CEP97: variants seen among roughly 807,000 people sequenced by gnomAD.
The protein encoded by CEP97 is centrosomal protein of 97 kDa.
Under a neutral mutation model 73.1 loss-of-function variants are expected in CEP97, and 43 were observed. The observed-to-expected ratio is 0.59, with a 90% CI of 0.46 to 0.76. The LOEUF (loss-of-function observed/expected upper bound fraction) is 0.76. Ranked by LOEUF, CEP97 falls within the 30% of genes least tolerant of loss-of-function variation. CEP97 has a pLI of 0.00. For missense variants in CEP97, 939 were observed against 1,014.0 expected (o/e 0.93, Z 1.00); for synonymous variants, 337 against 370.0 (o/e 0.91, Z 1.02).
intron 6 of CEP97, among the ~76,000 whole-genome samples, chr3:101,742,225 C>A (rs1191162825): frequency 6.6e-6 from 1 of 151,980 alleles, no homozygotes; most frequent in Non-Finnish European, 1.5e-5. Context: ...CTCAGCAATC[C>A]CATTACCGAG....
chr3:101,748,940 C>T (rs942155730), intron 6 of CEP97, among the ~76,000 whole-genome samples: 3 of 152,008 alleles, frequency 2.0e-5, no homozygotes, highest in Admixed American at 6.6e-5. Context: ...GCGCCCGGCC[C>T]ATGGAAGGAA....
intron 6 of CEP97, among the ~76,000 whole-genome samples, chr3:101,734,645 C>A (rs1481644824): frequency 1.3e-5 from 2 of 152,168 alleles, no homozygotes; most frequent in Non-Finnish European, 2.9e-5. Flanking sequence ...TCTAGTTTGC[C>A]TACAGGAAAG....
Position 101,755,552 on chromosome 3 carries a change from C to T in CEP97, c.851C>T (p.Thr284Ile). ...CPLTSTLGLQ[T>I]AEDAKLEKIL... ...CTCACTTCTACACTAGGTCTTCAAACTGCAGAGGATGCCAAACTAGAGAAG... is the reference window on the plus strand; with the variant it reads ...CTCACTTCTACACTAGGTCTTCAAATTGCAGAGGATGCCAAACTAGAGAAG... Residue 284 changes from threonine to isoleucine, a missense_variant, in exon 7 of 11, where the codon ACT (threonine) becomes ATT (isoleucine). Coordinates refer to ENST00000341893, the MANE Select transcript of CEP97 (RefSeq NM_024548.4). 6.2e-7 allele frequency: 1 copy of T among 1,614,192 alleles called. No individual in the cohort carries two copies. The highest frequency in any genetic ancestry group is 2.2e-5 in the East Asian group (1 of 44,886).
intron 6 of CEP97, among the ~76,000 whole-genome samples, chr3:101,745,969 T>C (rs1483447191): frequency 6.6e-6 from 1 of 152,078 alleles, no homozygotes; most frequent in African/African-American, 2.4e-5. Context: ...TGTGTTCTCA[T>C]TGTTCAATTC....
intron 3 of CEP97, 61 bp downstream of exon 3, chr3:101,727,602 G>T: frequency 6.8e-7 from 1 of 1,470,360 alleles, no homozygotes; most frequent in Middle Eastern, 1.8e-4. Context: ...AAGCAATGTA[G>T]AAATAAGTCA....
intron 1 of CEP97, 71 bp downstream of exon 1, chr3:101,724,790 A>C (rs1937823275): frequency 6.6e-7 from 1 of 1,522,370 alleles, no homozygotes; most frequent in Non-Finnish European, 9.1e-7. Flanking sequence ...AGAGCAGAAA[A>C]CCTAGGTTTA....
chr3:101,755,525 C>T lies in CEP97; in HGVS notation c.824C>T (p.Pro275Leu). The change falls in exon 7 of 11, where the codon CCC becomes CTC. Residue 275 changes from proline to leucine, a missense_variant. Transcript: ENST00000341893. ...GTCCAATATCTGGCTACAGTCTGCCCCCTCACTTCTACACTAGGTCTTCAA... is the reference window on the plus strand; with the variant it reads ...GTCCAATATCTGGCTACAGTCTGCCTCCTCACTTCTACACTAGGTCTTCAA... The part of the protein sequence containing the change: ...QLVQYLATVC[P>L]LTSTLGLQTA... The T allele has an allele frequency of 1.9e-6, 3 of 1,614,040 alleles. No individual in the cohort carries two copies. The highest frequency in any genetic ancestry group is 2.5e-6 in the Non-Finnish European group (3 of 1,179,986).
chr3:101,755,303 A>G lies in CEP97; in HGVS notation c.729-127A>G, dbSNP rs1938972921. The G allele has an allele frequency of 3.7e-6, 3 of 801,734 alleles. No individual in the cohort carries two copies. The East Asian group carries it at 7.5e-5, about 20-fold the overall frequency. The allele number at this position is 801,734 out of a possible 1,614,324, so 49.7% of individuals were successfully genotyped here. On this transcript the variant is annotated intron_variant, in intron 6 of 10. Transcript: ENST00000341893. ...ATAGATTTTTTAAAAAAATTGAGTG[A>G]ATTTTATTTATGAAAAACATACAAT...
rs1939346111 is a variant in CEP97, at chr3:101,767,377, A to G, written c.*1826A>G. 1 of 152,184 alleles carries G rather than the reference A, an allele frequency of 6.6e-6. No homozygotes were observed. Among genetic ancestry groups the G allele is most frequent in the Non-Finnish European group, 1.5e-5 (1 of 68,028 alleles). 9.4% of individuals were successfully genotyped at this position (152,184 alleles called of 1,614,324 possible). A position where few individuals can be genotyped will look rare whatever the true frequency, so the allele number is the denominator to read the frequency against. ...AATTATCTTTTCTGAATGATTTTGA[A>G]TGTCTTCTTAAATATACCCTATTTT... On this transcript the variant is annotated 3_prime_UTR_variant, in exon 11 of 11. Coordinates refer to ENST00000341893, the MANE Select transcript of CEP97 (RefSeq NM_024548.4).
chr3:101,765,399 G>C lies in CEP97; in HGVS notation c.2446G>C (p.Ala816Pro), dbSNP rs552580673. ...ACAGTTAGATACATTGTCTGACGGT[G>C]CTTCTGTAGATGAGAGTCATGGCAT... ...PVQLDTLSDG[A>P]SVDESHGISP... The change falls in exon 11 of 11, where the codon GCT (alanine) becomes CCT (proline). Residue 816 changes from alanine (A) to proline (P), a missense_variant. Physicochemically the swap from Ala to Pro is conservative, Grantham distance 27. Coordinates refer to ENST00000341893, the MANE Select transcript of CEP97 (RefSeq NM_024548.4). The C allele has an allele frequency of 6.2e-7, 1 of 1,614,158 alleles. No individual in the cohort carries two copies. The highest frequency in any genetic ancestry group is 8.5e-7 in the Non-Finnish European group (1 of 1,180,032).
At chr3:101,759,508 A>G (rs1345878215) in intron 9 of CEP97, 1 of 152,240 alleles carries the variant, frequency 6.6e-6, no homozygotes, top group African/African-American at 2.4e-5. Flanking sequence ...GGTCACACTG[A>G]TACTCCATGG....
intron 6 of CEP97, among the ~76,000 whole-genome samples, chr3:101,735,764 T>C (rs1177686854): frequency 2.0e-5 from 3 of 152,082 alleles, no homozygotes; most frequent in African/African-American, 2.4e-5. Context: ...AGCACAAAAG[T>C]GGGTGGCCGT....
At chr3:101,744,511 A>C (rs908828459) in intron 6 of CEP97, among the ~76,000 whole-genome samples, 3 of 150,846 alleles carry the variant, frequency 2.0e-5, no homozygotes, top group African/African-American at 7.3e-5. Context: ...TGAACCCAGG[A>C]GGCGGAGGTT....
chr3:101,737,398 C>T (rs920503412), intron 6 of CEP97, among the ~76,000 whole-genome samples: 9 of 152,204 alleles, frequency 5.9e-5, no homozygotes, highest in East Asian at 3.9e-4. Context: ...TTGCCAGATT[C>T]GCCAAAGTTG....
intron 6 of CEP97, among the ~76,000 whole-genome samples, chr3:101,747,624 T>C (rs1938664522): frequency 6.6e-6 from 1 of 151,488 alleles, no homozygotes; most frequent in South Asian, 2.1e-4. Flanking sequence ...TGGTGCGATC[T>C]CGGCTCACTG....
rs1488367903 is a variant in CEP97 at position 101,765,767 on chromosome 3, A to G, written c.*216A>G. On this transcript the variant is annotated 3_prime_UTR_variant, in exon 11 of 11. Transcript: ENST00000341893. ...TTACTTAGCTGTAAGGTACCAAACT[A>G]TTTATATTGAAAGCTATATGCACTT... 1 of 487,082 alleles carries G rather than the reference A, an allele frequency of 2.1e-6. No homozygotes were observed. Among genetic ancestry groups the G allele is most frequent in the African/African-American group, 2.0e-5 (1 of 50,970 alleles). The allele number at this position is 487,082 out of a possible 1,614,324, so 30.2% of individuals were successfully genotyped here.
chr3:101,737,221 T>C (rs557829965), intron 6 of CEP97, among the ~76,000 whole-genome samples: 4 of 152,248 alleles, frequency 2.6e-5, no homozygotes, highest in South Asian at 2.1e-4. Flanking sequence ...GTTTTATTGG[T>C]GTACCTGAAA....
chr3:101,748,870 G>A (rs1034111614), intron 6 of CEP97, among the ~76,000 whole-genome samples: 1 of 152,116 alleles, frequency 6.6e-6, no homozygotes, highest in South Asian at 2.1e-4. Flanking sequence ...TCAATCTCCT[G>A]ACCTCATGAT....
At chr3:101,739,961 G>C (rs1350506353) in intron 6 of CEP97, among the ~76,000 whole-genome samples, 2 of 151,072 alleles carry the variant, frequency 1.3e-5, no homozygotes, top group Non-Finnish European at 2.9e-5. Flanking sequence ...ACTAGGTATT[G>C]ATGGAACATA....
Sources: gnomAD v4.1 joint callset for allele counts (sites outside exome capture counted in the v4.1 genomes callset) on GRCh38, gnomAD v4.1.1 for gene constraint, MANE v1.5 for transcripts, NCBI Gene and HGNC (gene_info 2026-07-23, HGNC 2026-07-21) for gene names.